IMPA2: variants seen among roughly 807,000 people sequenced by gnomAD.
IMPA2 encodes the protein IMP 2.
A neutral mutation model predicts 35.1 loss-of-function variants in IMPA2; 32 were observed. The ratio of observed to expected loss-of-function variants is 0.91; its 90% CI spans 0.69 to 1.23. The LOEUF (loss-of-function observed/expected upper bound fraction) is 1.23, where lower values mean the gene tolerates loss of function less well. Ranked by LOEUF, IMPA2 falls within the 50% of genes most tolerant of loss-of-function variation. IMPA2 has a pLI of 0.00. For missense variants in IMPA2, 334 were observed against 387.6 expected (o/e 0.86, Z 1.16); for synonymous variants, 135 against 160.6 (o/e 0.84, Z 1.20).
At chr18:12,026,492 A>C (rs1907885177) in intron 5 of IMPA2, among the ~76,000 whole-genome samples, 1 of 152,334 alleles carries the variant, frequency 6.6e-6, no homozygotes, top group African/African-American at 2.4e-5. Flanking sequence ...AACCAAATCA[A>C]AACAAAGACT....
intron 2 of IMPA2, among the ~76,000 whole-genome samples, chr18:12,004,351 T>C (rs1252300323): frequency 1.3e-5 from 2 of 152,202 alleles, no homozygotes; most frequent in African/African-American, 2.4e-5. Flanking sequence ...GTTAAAACTA[T>C]TTTTTAAAAA....
At chr18:11,998,194 A>G (rs979472507) in intron 1 of IMPA2, among the ~76,000 whole-genome samples, 4 of 152,182 alleles carry the variant, frequency 2.6e-5, no homozygotes, top group African/African-American at 9.7e-5. Flanking sequence ...ACAAAACAAA[A>G]CAAAAAGGAG....
intron 5 of IMPA2, among the ~76,000 whole-genome samples, chr18:12,024,082 T>G (rs1907809580): frequency 6.6e-6 from 1 of 152,200 alleles, no homozygotes; most frequent in Non-Finnish European, 1.5e-5. Flanking sequence ...TGAAAATTGT[T>G]CATCTTCAGG....
chr18:11,993,519 G>T (rs1376440964), intron 1 of IMPA2, among the ~76,000 whole-genome samples: 1 of 152,224 alleles, frequency 6.6e-6, no homozygotes, highest in Non-Finnish European at 1.5e-5. Flanking sequence ...TCAGCACCCT[G>T]CCGGGGTGAG....
intron 1 of IMPA2, among the ~76,000 whole-genome samples, chr18:11,982,750 G>C (rs1054262757): frequency 4.0e-5 from 6 of 149,586 alleles, no homozygotes; most frequent in Non-Finnish European, 4.4e-5. Flanking sequence ...CTGAGATCGC[G>C]CCATTGCACA....
chr18:12,030,193 C>A, intron 7 of IMPA2, 150 bp from the exon 8 acceptor site: 1 of 646,920 alleles, frequency 1.5e-6, no homozygotes, highest in Non-Finnish European at 2.8e-6. Context: ...GAATTCACTC[C>A]TAGACCACCT....
intron 2 of IMPA2, among the ~76,000 whole-genome samples, chr18:12,005,611 A>C (rs1185854753): frequency 1.3e-5 from 2 of 152,252 alleles, no homozygotes; most frequent in African/African-American, 2.4e-5. Flanking sequence ...ACTTATATTA[A>C]TAGTTGCTGC....
intron 1 of IMPA2, among the ~76,000 whole-genome samples, chr18:11,995,856 G>A (rs573678774): frequency 4.6e-5 from 7 of 152,328 alleles, no homozygotes; most frequent in African/African-American, 2.4e-5. Context: ...GCAGCCCAAT[G>A]TGTGTTTTAT....
chr18:11,982,793 C>G (rs904600472), intron 1 of IMPA2, among the ~76,000 whole-genome samples: 1 of 111,732 alleles, frequency 8.9e-6, no homozygotes, highest in African/African-American at 2.8e-5. Context: ...AACTCCGTCT[C>G]AAAAAAAAAA....
At chr18:12,000,328 C>G (rs901984935) in intron 2 of IMPA2, among the ~76,000 whole-genome samples, 2 of 138,802 alleles carry the variant, frequency 1.4e-5, no homozygotes, top group Non-Finnish European at 3.0e-5. Flanking sequence ...GCCACTCCAC[C>G]TGGCTCTTTT....
intron 5 of IMPA2, among the ~76,000 whole-genome samples, chr18:12,026,103 T>A (rs1568039374): frequency 6.6e-6 from 1 of 151,038 alleles, no homozygotes; most frequent in Non-Finnish European, 1.5e-5. Context: ...GGTGTGATCT[T>A]GGCTCACTGC....
At chr18:11,994,772 G>C (rs1168072714) in intron 1 of IMPA2, 3 of 152,430 alleles carry the variant, frequency 2.0e-5, no homozygotes, top group Non-Finnish European at 4.4e-5. Flanking sequence ...GGTGGACAGA[G>C]ACAGAGAGGG....
intron 5 of IMPA2, among the ~76,000 whole-genome samples, chr18:12,019,934 G>A (rs887840756): frequency 2.6e-5 from 4 of 152,108 alleles, no homozygotes; most frequent in African/African-American, 9.7e-5. Context: ...GGAGTGTAGT[G>A]GCACAATCTC....
At chr18:12,003,225 CT>C (rs1315654128) in intron 2 of IMPA2, among the ~76,000 whole-genome samples, 1 of 151,886 alleles carries the variant, frequency 6.6e-6, no homozygotes, top group Non-Finnish European at 1.5e-5. Context: ...AATAAAATTG[CT>C]TCTGTCACTG....
At chr18:11,994,621 A>G (rs751608683) in intron 1 of IMPA2, among the ~76,000 whole-genome samples, 5 of 152,242 alleles carry the variant, frequency 3.3e-5, no homozygotes, top group Non-Finnish European at 7.3e-5. Flanking sequence ...ACAAAAGGAC[A>G]TATTACAAAA....
intron 1 of IMPA2, among the ~76,000 whole-genome samples, chr18:11,992,313 G>C (rs1906839381): frequency 6.6e-6 from 1 of 152,226 alleles, no homozygotes. Context: ...CCTGACAGAG[G>C]GAAAGACACA....
chr18:12,015,616 G>T (rs969766951), intron 5 of IMPA2, among the ~76,000 whole-genome samples: 3 of 152,228 alleles, frequency 2.0e-5, no homozygotes, highest in African/African-American at 7.2e-5. Context: ...AAGTCATGGG[G>T]GCCTCTGAGG....
chr18:11,996,510 T>C (rs1906961963), intron 1 of IMPA2, among the ~76,000 whole-genome samples: 1 of 152,182 alleles, frequency 6.6e-6, no homozygotes, highest in Non-Finnish European at 1.5e-5. Context: ...GTAAAGCCAC[T>C]GTCTTCTCAG....
intron 5 of IMPA2, among the ~76,000 whole-genome samples, chr18:12,015,473 C>A (rs1025699474): frequency 5.3e-5 from 8 of 152,178 alleles, no homozygotes; most frequent in African/African-American, 1.9e-4. Context: ...TGAGCCCGTG[C>A]GGCCAGGAAA....
Sources: allele counts gnomAD v4.1 joint callset (sites outside exome capture counted in the v4.1 genomes callset), GRCh38; gene constraint gnomAD v4.1.1; transcripts MANE v1.5; gene names NCBI Gene and HGNC (gene_info 2026-07-23, HGNC 2026-07-21).